The following RFTN2 variants were observed in gnomAD, a reference collection of about 807,000 sequenced individuals.
RFTN2 encodes the protein raftlin family member 2, also known as raftlin-2.
Under a neutral mutation model 52.7 loss-of-function variants are expected in RFTN2, and 34 were observed. The observed-to-expected ratio is 0.64, with a 90% confidence interval of 0.49 to 0.86. RFTN2 has a LOEUF of 0.86. Ranked by LOEUF, RFTN2 falls within the 40% of genes least tolerant of loss-of-function variation. RFTN2 has a pLI of 0.00. For missense variants in RFTN2, 536 were observed against 600.1 expected (o/e 0.89, Z 1.12); for synonymous variants, 203 against 217.7 (o/e 0.93, Z 0.59).
At chr2:197,572,944 CTT>C (rs1466445471) in intron 8 of RFTN2, among the ~76,000 whole-genome samples, 1 of 152,190 alleles carries the variant, frequency 6.6e-6, no homozygotes, top group East Asian at 1.9e-4. Flanking sequence ...TGAGACATGA[CTT>C]TGCTCCTCAT....
intron 8 of RFTN2, among the ~76,000 whole-genome samples, chr2:197,595,321 A>G (rs2087778434): frequency 6.6e-6 from 1 of 152,264 alleles, no homozygotes. Context: ...TAGGTTCAGT[A>G]GCTGAGAACT....
chr2:197,623,010 CAAG>C (rs1286872658), intron 5 of RFTN2, among the ~76,000 whole-genome samples: 4 of 152,324 alleles, frequency 2.6e-5, no homozygotes, highest in Non-Finnish European at 5.9e-5. Context: ...TGAAGATATA[CAAG>C]AAGATTAATG....
rs144663074 is a variant in RFTN2, at chr2:197,595,008, T to C, written c.1233+983A>G. ...TTTAGATACAGAAAAAGAATCACTT[T>C]AAATAGTTTTCTGGTCCATTTTCAA... On this transcript the variant is annotated intron_variant, in intron 8 of 8. Coordinates refer to ENST00000295049, the MANE Select transcript of RFTN2 (RefSeq NM_144629.3). 9.3e-4 allele frequency among the ~76,000 whole-genome samples: 142 copies of C among 152,376 alleles called. 1 individual carries two copies. The East Asian group carries it at 0.02, about 22-fold the overall frequency.
intron 6 of RFTN2, among the ~76,000 whole-genome samples, chr2:197,616,609 C>T (rs182254984): frequency 2.6e-5 from 4 of 152,146 alleles, no homozygotes; most frequent in East Asian, 3.9e-4. Flanking sequence ...CATTTTAACA[C>T]GAGTTCCTTA....
At chr2:197,616,309 A>ATTTTATTTTATTTATTTT (rs1553601950) in intron 6 of RFTN2, among the ~76,000 whole-genome samples, 4 of 125,036 alleles carry the variant, frequency 3.2e-5, no homozygotes, top group African/African-American at 9.2e-5. Flanking sequence ...ATTTTATTTT[A>ATTTTATTTTATTTATTTT]AAGAGAGGGT....
intron 1 of RFTN2, among the ~76,000 whole-genome samples, chr2:197,654,532 A>G (rs2088867108): frequency 6.6e-6 from 1 of 152,250 alleles, no homozygotes; most frequent in Non-Finnish European, 1.5e-5. Context: ...AAGTGATCCA[A>G]TGTTTAATTC....
At chr2:197,674,780 C>A (rs1348849216) in intron 1 of RFTN2, among the ~76,000 whole-genome samples, 2 of 151,648 alleles carry the variant, frequency 1.3e-5, no homozygotes, top group Non-Finnish European at 2.9e-5. Context: ...AAGTGTCTTA[C>A]AGAAGGCTAT....
chr2:197,595,411 G>A (rs1298067422), intron 8 of RFTN2, among the ~76,000 whole-genome samples: 1 of 152,188 alleles, frequency 6.6e-6, no homozygotes, highest in Non-Finnish European at 1.5e-5. Context: ...CAGAAAAGTA[G>A]CAAAAACCCA....
At position 197,653,803 on chromosome 2, in the gene RFTN2, T is replaced by G. The variant is rs188139044; in HGVS notation, c.140-7137A>C. 6.9e-4 allele frequency among the ~76,000 whole-genome samples: 105 copies of G among 152,342 alleles called. 1 individual carries two copies. The highest frequency in any genetic ancestry group is 9.4e-4 in the Non-Finnish European group (64 of 68,020). On this transcript the variant is annotated intron_variant, in intron 1 of 8. Coordinates refer to ENST00000295049, the MANE Select transcript of RFTN2 (RefSeq NM_144629.3). ...AAGAAAGGCATGGAGCCACCTCCCC[T>G]TAACAACTCTCTCAACCAACTGCTC...
intron 5 of RFTN2, among the ~76,000 whole-genome samples, chr2:197,625,502 A>G (rs995689647): frequency 6.6e-6 from 1 of 152,124 alleles, no homozygotes; most frequent in African/African-American, 2.4e-5. Flanking sequence ...GAGGGCAGGC[A>G]CATATGGTAA....
In RFTN2 at chr2:197,571,057, TATC is replaced by T. The variant is rs2106154636; in HGVS notation, c.*948_*950del. ...AAAAGCAAGATGAAACAAAATATGT[TATC>T]ATACATATCGCGTGTGCTATGAGCA... On this transcript the variant is annotated 3_prime_UTR_variant, in exon 9 of 9. Transcript: ENST00000295049. 1 of 152,462 alleles carries T rather than the reference TATC, an allele frequency of 6.6e-6. No individual in the cohort carries two copies. Among genetic ancestry groups the T allele is most frequent in the Non-Finnish European group, 1.5e-5 (1 of 68,026 alleles). The allele number at this position is 152,462 out of a possible 1,614,324, so 9.4% of individuals were successfully genotyped here. A position where few individuals can be genotyped will look rare whatever the true frequency, so the allele number is the denominator to read the frequency against.
chr2:197,606,987 C>T (rs924670786), intron 7 of RFTN2, among the ~76,000 whole-genome samples: 1 of 152,168 alleles, frequency 6.6e-6, no homozygotes, highest in Non-Finnish European at 1.5e-5. Context: ...TGGGTATATA[C>T]CCAAAGGATT....
At chr2:197,645,319 A>G (rs984428332) in intron 2 of RFTN2, among the ~76,000 whole-genome samples, 15 of 152,224 alleles carry the variant, frequency 9.9e-5, no homozygotes, top group African/African-American at 3.6e-4. Flanking sequence ...GCAATGGGCT[A>G]TACCATATAG....
rs1174362777 is a variant in RFTN2 at position 197,570,947 on chromosome 2, T to C, written c.*1061A>G. 1.3e-5 allele frequency: 2 copies of C among 152,284 alleles called. No homozygotes were observed. Among genetic ancestry groups the C allele is most frequent in the Non-Finnish European group, 2.9e-5 (2 of 68,038 alleles). 9.4% of individuals were successfully genotyped at this position (152,284 alleles called of 1,614,324 possible). A position where few individuals can be genotyped will look rare whatever the true frequency, so the allele number is the denominator to read the frequency against. On this transcript the variant is annotated 3_prime_UTR_variant, in exon 9 of 9. Coordinates refer to ENST00000295049, the MANE Select transcript of RFTN2 (RefSeq NM_144629.3). ...TCTTTCAAAGTAAGCCTTTCATAGA[T>C]AAATGAAAATCCTTTATTTTGTAGA...
intron 7 of RFTN2, among the ~76,000 whole-genome samples, chr2:197,610,410 CTCTG>C (rs1309091076): frequency 3.3e-5 from 5 of 151,998 alleles, no homozygotes; most frequent in African/African-American, 1.2e-4. Context: ...TGATTTGGCT[CTCTG>C]TCTGTTATTG....
chr2:197,636,788 C>T (rs1245850570), intron 3 of RFTN2, among the ~76,000 whole-genome samples: 85 of 148,170 alleles, frequency 5.7e-4, no homozygotes, highest in Non-Finnish European at 7.2e-4. Flanking sequence ...TGAATAGGAG[C>T]GGTGAGAGAG....
intron 1 of RFTN2, among the ~76,000 whole-genome samples, chr2:197,669,730 C>T (rs1357528774): frequency 1.3e-5 from 2 of 152,220 alleles, no homozygotes; most frequent in Non-Finnish European, 2.9e-5. Flanking sequence ...CTGCTCACCT[C>T]TGGCTGTGTG....
At chr2:197,603,947 C>CA (rs1314155356) in intron 7 of RFTN2, among the ~76,000 whole-genome samples, 1 of 151,432 alleles carries the variant, frequency 6.6e-6, no homozygotes, top group African/African-American at 2.4e-5. Flanking sequence ...AAACAAAAAA[C>CA]AAAAAAACAT....
At chr2:197,613,192 T>C (rs1397925874) in intron 7 of RFTN2, among the ~76,000 whole-genome samples, 2 of 152,224 alleles carry the variant, frequency 1.3e-5, no homozygotes, top group Non-Finnish European at 2.9e-5. Context: ...TCCCTGAACA[T>C]TGGTTTCAAC....
Sources: gnomAD v4.1 joint callset for allele counts (sites outside exome capture counted in the v4.1 genomes callset) on GRCh38, gnomAD v4.1.1 for gene constraint, MANE v1.5 for transcripts, NCBI Gene and HGNC (gene_info 2026-07-23, HGNC 2026-07-21) for gene names.